The following TET1 variants were observed in gnomAD, a reference collection of about 807,000 sequenced individuals.
TET1 encodes tet methylcytosine dioxygenase 1, also known as methylcytosine dioxygenase TET1.
A neutral mutation model predicts 148.7 loss-of-function variants in TET1; 13 were observed. The ratio of observed to expected loss-of-function variants is 0.09; its 90% confidence interval spans 0.06 to 0.14. TET1 has a LOEUF of 0.14. TET1 is among the 10% of genes least tolerant of loss of function. The pLI is 1.00. For missense variants in TET1, 2,182 were observed against 2,553.8 expected, an observed-to-expected ratio of 0.85 and a Z score of 3.14; for synonymous variants, 907 against 937.2, an observed-to-expected ratio of 0.97 and a Z score of 0.59.
At chr10:68,648,367 T>C (rs1198655198) in intron 4 of TET1, among the ~76,000 whole-genome samples, 1 of 152,222 alleles carries the variant, frequency 6.6e-6, no homozygotes, top group Non-Finnish European at 1.5e-5. Flanking sequence ...ACCTGTTGAC[T>C]CTAATATAGC....
Position 68,645,022 on chromosome 10 carries a change from T to C in TET1, c.2293T>C (p.Cys765Arg), listed in dbSNP as rs775317352. The stretch of plus-strand genomic sequence containing the variant: ...AAGAAATGGCATTAAACATGTACAC[T>C]GTTTACCAGCTGAAACAAATGTTTC... ...TVRNGIKHVH[C>R]LPAETNVSFK... Residue 765 changes from cysteine (C) to arginine (R), a missense_variant, in exon 4 of 12, where the codon TGT becomes CGT. Cys to Arg is a radical substitution (Grantham distance 180). Around this residue, in one of 11 missense-constraint regions of TET1, gnomAD observed 226 missense variants for 307.4 expected, o/e 0.74. Coordinates refer to ENST00000373644, the MANE Select transcript of TET1 (RefSeq NM_030625.3). The C allele has an allele frequency of 6.2e-7, 1 of 1,613,640 alleles. No homozygotes were observed. Among genetic ancestry groups the C allele is most frequent in the Non-Finnish European group, 8.5e-7 (1 of 1,179,840 alleles).
At chr10:68,577,589 C>T (rs1332985140) in intron 2 of TET1, among the ~76,000 whole-genome samples, 2 of 151,992 alleles carry the variant, frequency 1.3e-5, no homozygotes, top group African/African-American at 4.8e-5. Flanking sequence ...AGGCAGATCA[C>T]CTGAGGTCAG....
rs188429909 is a variant in TET1 at position 68,675,171 on chromosome 10, G to A, written c.4824+2126G>A. The A allele has an allele frequency of 9.5e-6, 3 of 317,006 alleles. No individual in the cohort carries two copies. The Admixed American group carries it at 1.3e-4, about 14-fold the overall frequency. The allele number at this position is 317,006 out of a possible 1,614,324, so 19.6% of individuals were successfully genotyped here. A position where few individuals can be genotyped will look rare whatever the true frequency, so the allele number is the denominator to read the frequency against. On this transcript the variant is annotated intron_variant, in intron 8 of 11. Transcript: ENST00000373644. ...TTGTGGGGGAAAAAAGTGTCTGTTA[G>A]TTGATAAACATAAAGGATCTTCAAA...
chr10:68,591,001 A>G (rs1490916630), intron 2 of TET1, among the ~76,000 whole-genome samples: 3 of 152,064 alleles, frequency 2.0e-5, no homozygotes, highest in East Asian at 3.9e-4. Context: ...GATTACAGGC[A>G]TGCACCACCA....
chr10:68,669,481 T>TTTTTC, intron 7 of TET1, among the ~76,000 whole-genome samples: 1 of 140,470 alleles, frequency 7.1e-6, no homozygotes, highest in African/African-American at 2.6e-5. Context: ...CAGCTTTTTT[T>TTTTTC]TTTTTTTTTT....
chr10:68,662,884 G>A (rs529564616), intron 6 of TET1, among the ~76,000 whole-genome samples: 2 of 152,156 alleles, frequency 1.3e-5, no homozygotes, highest in Non-Finnish European at 2.9e-5. Context: ...TCAAACCACT[G>A]CACTCCAGCC....
At chr10:68,590,119 CT>C (rs916791833) in intron 2 of TET1, among the ~76,000 whole-genome samples, 1 of 151,844 alleles carries the variant, frequency 6.6e-6, no homozygotes, top group Non-Finnish European at 1.5e-5. Flanking sequence ...TTTCTTTTTT[CT>C]TTTTTTGTGT....
At chr10:68,680,549 A>G (rs1193936671) in intron 8 of TET1, among the ~76,000 whole-genome samples, 1 of 152,106 alleles carries the variant, frequency 6.6e-6, no homozygotes, top group African/African-American at 2.4e-5. Context: ...AGTTTCACCA[A>G]GTTCCCCAGA....
chr10:68,579,854 A>C (rs754706825), intron 2 of TET1, among the ~76,000 whole-genome samples: 5 of 151,888 alleles, frequency 3.3e-5, no homozygotes, highest in Non-Finnish European at 5.9e-5. Flanking sequence ...CTCTTGCCTC[A>C]GTCTCCAGGC....
At chr10:68,594,920 A>G (rs1455451941) in intron 2 of TET1, among the ~76,000 whole-genome samples, 1 of 151,014 alleles carries the variant, frequency 6.6e-6, no homozygotes, top group Non-Finnish European at 1.5e-5. Context: ...CGGAGGTTGC[A>G]GTGAGCAGAG....
Position 68,646,620 on chromosome 10 carries a change from T to A in TET1, c.3891T>A (p.His1297Gln). The A allele has an allele frequency of 1.2e-6, 2 of 1,614,124 alleles. No homozygotes were observed. Among genetic ancestry groups the A allele is most frequent in the Non-Finnish European group, 1.7e-6 (2 of 1,180,030 alleles). ...CGGTGAATGCCAATCAGAAAGCCCA[T>A]CCTTTGACCCAGCCCTCCTCTCCAC... ...QLTVNANQKA[H>Q]PLTQPSSPPN... Residue 1297 changes from histidine (H) to glutamine (Q), a missense_variant, in exon 4 of 12, where the codon CAT (histidine) becomes CAA (glutamine). Transcript: ENST00000373644.
chr10:68,686,260 C>A (rs1170889134), intron 10 of TET1, 96 bp from the exon 11 acceptor site: 3 of 1,053,036 alleles, frequency 2.8e-6, no homozygotes, highest in Non-Finnish European at 4.1e-6. Flanking sequence ...GAATACAAAT[C>A]TCTTTCCCAA....
At position 68,645,630 on chromosome 10, in the gene TET1, G is replaced by A. The variant is rs758168814; in HGVS notation, c.2901G>A (p.Thr967=). Residue 967 remains threonine, a synonymous_variant, in exon 4 of 12, where the codon ACG becomes ACA. Coordinates refer to ENST00000373644, the MANE Select transcript of TET1 (RefSeq NM_030625.3). ...TGGAAAAACAAAGTTCATGCAACACGGTGGTTTTCAATGGGCAAACTACTA... is the reference window on the plus strand; with the variant it reads ...TGGAAAAACAAAGTTCATGCAACACAGTGGTTTTCAATGGGCAAACTACTA... ...PSLEKQSSCN[T]VVFNGQTTTL... is the part of the protein sequence containing the mutation. The A allele has an allele frequency of 5.0e-6, 8 of 1,613,940 alleles. No individual in the cohort carries two copies. Among genetic ancestry groups the A allele is most frequent in the Non-Finnish European group, 6.8e-6 (8 of 1,180,036 alleles).
At chr10:68,599,610 C>G (rs1305890640) in intron 2 of TET1, among the ~76,000 whole-genome samples, 1 of 152,202 alleles carries the variant, frequency 6.6e-6, no homozygotes, top group African/African-American at 2.4e-5. Context: ...GTGGTTTGTT[C>G]TACCCCTGGC....
intron 3 of TET1, among the ~76,000 whole-genome samples, chr10:68,613,269 G>T (rs2054242850): frequency 6.6e-6 from 1 of 152,144 alleles, no homozygotes; most frequent in African/African-American, 2.4e-5. Flanking sequence ...CAAACCTACA[G>T]AAAAGTCTTT....
intron 10 of TET1, among the ~76,000 whole-genome samples, chr10:68,685,944 A>C (rs1217019876): frequency 6.6e-6 from 1 of 152,200 alleles, no homozygotes; most frequent in Non-Finnish European, 1.5e-5. Flanking sequence ...ACATTCTTGA[A>C]ATATCAGAAA....
In TET1 at chr10:68,680,594, C is replaced by T. The variant is rs76876941; in HGVS notation, c.4825-805C>T. On this transcript the variant is annotated intron_variant, in intron 8 of 11. Transcript: ENST00000373644. ...AATTTGTGAGCTCAAGTGATCTGCCCGCCTCGGCCTCCCAAAATGTTGGGA... is the reference window on the plus strand; with the variant it reads ...AATTTGTGAGCTCAAGTGATCTGCCTGCCTCGGCCTCCCAAAATGTTGGGA... Among the ~76,000 whole-genome samples the T allele has an allele frequency of 4.5e-3, 689 of 152,288 alleles. 9 individuals are homozygous for T. Among genetic ancestry groups the T allele is most frequent in the East Asian group, 0.028 (145 of 5,184 alleles).
At chr10:68,641,563 A>G (rs2054754864) in intron 3 of TET1, among the ~76,000 whole-genome samples, 1 of 151,680 alleles carries the variant, frequency 6.6e-6, no homozygotes, top group Non-Finnish European at 1.5e-5. Context: ...CAGTGGCACG[A>G]TCTCGGCTCA....
At chr10:68,643,031 G>A (rs899357695) in intron 3 of TET1, among the ~76,000 whole-genome samples, 1 of 151,986 alleles carries the variant, frequency 6.6e-6, no homozygotes, top group Admixed American at 6.6e-5. Flanking sequence ...GTCAAGGTGA[G>A]CAGACCACTT....
Sources: gnomAD v4.1 joint callset for allele counts (sites outside exome capture counted in the v4.1 genomes callset) on GRCh38, gnomAD v4.1.1 for gene constraint, gnomAD v4.1.1 regional missense constraint, MANE v1.5 for transcripts, NCBI Gene and HGNC (gene_info 2026-07-23, HGNC 2026-07-21) for gene names.